Variants in DACH1 observed in about 807,000 individuals in gnomAD.
The protein encoded by DACH1 is dachshund family transcription factor 1.
In DACH1, 12 loss-of-function variants were observed where a neutral mutation model predicts 54.2. The ratio of observed to expected loss-of-function variants is 0.22; its 90% CI spans 0.14 to 0.36. DACH1 has a LOEUF of 0.36. Ranked by LOEUF, DACH1 falls within the 10% of genes least tolerant of loss-of-function variation. DACH1 has a pLI of 1.00. For synonymous variants in DACH1, 386 were observed against 366.2 expected, an observed-to-expected ratio of 1.05 and a Z score of -0.62; for missense variants, 805 against 929.8, an observed-to-expected ratio of 0.87 and a Z score of 1.75.
At chr13:71,579,027 T>A (rs1269907125) in intron 3 of DACH1, among the ~76,000 whole-genome samples, 1 of 152,110 alleles carries the variant, frequency 6.6e-6, no homozygotes, top group Admixed American at 6.6e-5. Flanking sequence ...TAATTAGATA[T>A]TTTTCTTTAG....
At chr13:71,695,532 C>A (rs371228386) in intron 1 of DACH1, among the ~76,000 whole-genome samples, 20 of 152,236 alleles carry the variant, frequency 1.3e-4, no homozygotes, top group African/African-American at 4.8e-4. Flanking sequence ...ATTATTTTAA[C>A]TAACAGAGAG....
rs538706137 is a variant in DACH1 at position 71,775,683 on chromosome 13, T to C, written c.848+90239A>G. ...ATTCCTTTATATTATTAAGATTATT[T>C]GAAGGTCACTGACAGAGGAAGGAAA... is the stretch of plus-strand genomic sequence containing the variant. On this transcript the variant is annotated intron_variant, in intron 1 of 10. Transcript: ENST00000613252. Among the ~76,000 whole-genome samples the C allele has an allele frequency of 3.3e-5, 5 of 152,254 alleles. No individual in the cohort carries two copies. In the East Asian group the frequency reaches 5.8e-4, roughly 18 times the overall value.
chr13:71,476,133 T>C (rs1486882677), intron 8 of DACH1, among the ~76,000 whole-genome samples: 3 of 152,174 alleles, frequency 2.0e-5, no homozygotes, highest in African/African-American at 4.8e-5. Flanking sequence ...TTTTAGTAAA[T>C]GTTTGTATTC....
At chr13:71,738,486 C>T (rs1363496636) in intron 1 of DACH1, among the ~76,000 whole-genome samples, 1 of 151,822 alleles carries the variant, frequency 6.6e-6, no homozygotes, top group Non-Finnish European at 1.5e-5. Flanking sequence ...AATCCCAGCA[C>T]CTTGGGAGGC....
At chr13:71,652,141 T>C (rs575655488) in intron 2 of DACH1, among the ~76,000 whole-genome samples, 4 of 152,222 alleles carry the variant, frequency 2.6e-5, no homozygotes, top group African/African-American at 4.8e-5. Context: ...CACTGATCGG[T>C]CTTTAGAACT....
At chr13:71,487,496 G>A (rs749818598) in intron 7 of DACH1, among the ~76,000 whole-genome samples, 1 of 152,006 alleles carries the variant, frequency 6.6e-6, no homozygotes, top group Non-Finnish European at 1.5e-5. Flanking sequence ...TTTCTGGTCC[G>A]TAGAGTGTGG....
At chr13:71,694,081 G>A (rs577919709) in intron 1 of DACH1, among the ~76,000 whole-genome samples, 1 of 152,246 alleles carries the variant, frequency 6.6e-6, no homozygotes, top group East Asian at 1.9e-4. Context: ...TATGAATGCA[G>A]AGGCAAGATG....
chr13:71,569,400 A>G (rs1566348458), intron 4 of DACH1, among the ~76,000 whole-genome samples: 2 of 152,164 alleles, frequency 1.3e-5, no homozygotes, highest in Admixed American at 1.3e-4. Context: ...CTGTCCCCAG[A>G]AAAAACTTTA....
At position 71,651,256 on chromosome 13, in the gene DACH1, C is replaced by T. The variant is rs541220544; in HGVS notation, c.965-20539G>A. On this transcript the variant is annotated intron_variant, in intron 2 of 10. Coordinates refer to ENST00000613252, the MANE Select transcript of DACH1 (RefSeq NM_080759.6). Reference sequence around the variant, plus strand: ...GTGGCTCCTGCCTGTAATCCCAGCACTTTGGGAGCCTGAGGTCAGTGGATT... The same window carrying T: ...GTGGCTCCTGCCTGTAATCCCAGCATTTTGGGAGCCTGAGGTCAGTGGATT... 9.2e-5 allele frequency among the ~76,000 whole-genome samples: 14 copies of T among 151,858 alleles called. No homozygotes were observed. In the East Asian group the frequency reaches 2.5e-3, roughly 27 times the overall value.
intron 6 of DACH1, among the ~76,000 whole-genome samples, chr13:71,537,239 G>A (rs1882864707): frequency 6.6e-6 from 1 of 151,952 alleles, no homozygotes; most frequent in African/African-American, 2.4e-5. Context: ...ACCAGAACTT[G>A]CCATGACTGC....
intron 2 of DACH1, among the ~76,000 whole-genome samples, chr13:71,649,762 A>G (rs960877194): frequency 1.3e-5 from 2 of 152,236 alleles, no homozygotes; most frequent in Non-Finnish European, 2.9e-5. Flanking sequence ...CTTTAAGGAC[A>G]TTTTATTACT....
At chr13:71,642,599 C>T (rs1003716155) in intron 2 of DACH1, among the ~76,000 whole-genome samples, 1 of 152,018 alleles carries the variant, frequency 6.6e-6, no homozygotes, top group Non-Finnish European at 1.5e-5. Flanking sequence ...TCTTTTTTGT[C>T]AATGAGTTAT....
intron 1 of DACH1, among the ~76,000 whole-genome samples, chr13:71,820,614 C>T (rs1360486112): frequency 1.3e-5 from 2 of 151,966 alleles, no homozygotes; most frequent in African/African-American, 2.4e-5. Flanking sequence ...CGGTATATGT[C>T]AAATTAAAAT....
intron 1 of DACH1, among the ~76,000 whole-genome samples, chr13:71,689,841 TCTCGCC>T (rs1881383479): frequency 6.6e-6 from 1 of 152,260 alleles, no homozygotes; most frequent in South Asian, 2.1e-4. Flanking sequence ...GTTGGGATAA[TCTCGCC>T]CTCGCCCTCG....
chr13:71,702,145 C>T (rs1252183143), intron 1 of DACH1, among the ~76,000 whole-genome samples: 2 of 152,080 alleles, frequency 1.3e-5, no homozygotes, highest in Non-Finnish European at 2.9e-5. Context: ...GAAATGTATA[C>T]ACCAAGCTCA....
intron 2 of DACH1, among the ~76,000 whole-genome samples, chr13:71,653,187 G>A (rs528059842): frequency 5.9e-5 from 9 of 152,198 alleles, no homozygotes; most frequent in African/African-American, 2.2e-4. Context: ...CAAATCTTCT[G>A]GAGAAAGCAG....
chr13:71,714,094 A>T (rs1882861462), intron 1 of DACH1, among the ~76,000 whole-genome samples: 1 of 152,092 alleles, frequency 6.6e-6, no homozygotes, highest in Admixed American at 6.6e-5. Context: ...TCAACTGTGC[A>T]TAAATAGATG....
At chr13:71,766,149 G>A (rs1885619672) in intron 1 of DACH1, among the ~76,000 whole-genome samples, 1 of 152,122 alleles carries the variant, frequency 6.6e-6, no homozygotes, top group Non-Finnish European at 1.5e-5. Context: ...GCCTCCCAAA[G>A]TGCTGGGATT....
chr13:71,802,306 G>C (rs1887318844), intron 1 of DACH1, among the ~76,000 whole-genome samples: 3 of 151,978 alleles, frequency 2.0e-5, no homozygotes, highest in African/African-American at 7.2e-5. Context: ...TTGAGAAATA[G>C]GGCTATCAGC....
Sources: allele counts gnomAD v4.1 joint callset (sites outside exome capture counted in the v4.1 genomes callset), GRCh38; gene constraint gnomAD v4.1.1; transcripts MANE v1.5; gene names NCBI Gene and HGNC (gene_info 2026-07-23, HGNC 2026-07-21).